TRAPPC8: variants seen among roughly 807,000 people sequenced by gnomAD.
TRAPPC8 encodes the protein general sporulation gene 1 homolog.
TRAPPC8 carries 54 observed loss-of-function variants against 174.3 expected under a neutral mutation model. The observed-to-expected ratio is 0.31, with a 90% CI of 0.25 to 0.39. The LOEUF is 0.39. TRAPPC8 is among the 10% of genes least tolerant of loss of function. The pLI, the probability that TRAPPC8 is intolerant of heterozygous loss-of-function variation, is 1.00. For synonymous variants in TRAPPC8, 630 were observed against 579.9 expected (o/e 1.09, Z -1.24); for missense variants, 1,531 against 1,699.1 (o/e 0.90, Z 1.74).
Position 31,871,072 on chromosome 18 carries a change from G to C in TRAPPC8, c.2111C>G (p.Ser704Cys). The C allele has an allele frequency of 6.2e-7, 1 of 1,601,244 alleles. No individual in the cohort carries two copies. Among genetic ancestry groups the C allele is most frequent in the Admixed American group, 1.7e-5 (1 of 59,122 alleles). ...THVSLDQEYD[S>C]ESSQQWRELE... ...TTCTCGCCACTGCTGAGAGGATTCA[G>C]AATCATATTCTTGATCAAGACTTAC... The change falls in exon 15 of 29, where the codon TCT (serine) becomes TGT (cysteine). Residue 704 changes from serine to cysteine, a missense_variant. Transcript: ENST00000283351.
intron 1 of TRAPPC8, among the ~76,000 whole-genome samples, chr18:31,933,699 A>T (rs1038402736): frequency 1.3e-5 from 2 of 152,140 alleles, no homozygotes; most frequent in African/African-American, 2.4e-5. Context: ...TCAATGGAAA[A>T]TGCCTTATAC....
chr18:31,906,176 A>C (rs980199143), intron 9 of TRAPPC8, among the ~76,000 whole-genome samples: 1 of 69,386 alleles, frequency 1.4e-5, no homozygotes, highest in Non-Finnish European at 2.9e-5. Flanking sequence ...TAAAAATACG[A>C]AAAAAAAAAA....
chr18:31,855,555 C>A, intron 21 of TRAPPC8, 105 bp downstream of exon 21: 1 of 921,884 alleles, frequency 1.1e-6, no homozygotes, highest in Non-Finnish European at 1.6e-6. Flanking sequence ...TTCCTAAAAT[C>A]CCTAGCTTAT....
At position 31,935,548 on chromosome 18, in the gene TRAPPC8, T is replaced by TAAAAAAAAAAAA. The variant is rs10650702; in HGVS notation, c.158-4037_158-4026dup. Among the ~76,000 whole-genome samples, 19 of 46,282 alleles carry TAAAAAAAAAAAA rather than the reference T, an allele frequency of 4.1e-4. 2 individuals carry two copies. Among genetic ancestry groups the TAAAAAAAAAAAA allele is most frequent in the African/African-American group, 2.1e-3 (19 of 9,034 alleles). The allele number at this position is 46,282 out of a possible 152,430, so 30.4% of individuals were successfully genotyped here. Reference sequence around the variant, plus strand: ...GGGCAACAAGAGCGAAACTCCATCTTAAAAAAAAAAAAAAAAAAAAGCAGG... The same window carrying TAAAAAAAAAAAA: ...GGGCAACAAGAGCGAAACTCCATCTTAAAAAAAAAAAAAAAAAAAAAAAAAAAAAAAAGCAGG... On this transcript the variant is annotated intron_variant, in intron 1 of 28. Transcript: ENST00000283351.
At chr18:31,902,098 T>A (rs2036453917) in intron 9 of TRAPPC8, among the ~76,000 whole-genome samples, 1 of 152,134 alleles carries the variant, frequency 6.6e-6, no homozygotes, top group Non-Finnish European at 1.5e-5. Context: ...ATGGATCACT[T>A]GACATCAGGA....
chr18:31,902,024 T>C (rs912983491), intron 9 of TRAPPC8, among the ~76,000 whole-genome samples: 1 of 152,234 alleles, frequency 6.6e-6, no homozygotes, highest in Non-Finnish European at 1.5e-5. Flanking sequence ...ACCAAAAATA[T>C]GCTGAACTGG....
At chr18:31,884,523 C>A (rs1322444575) in intron 12 of TRAPPC8, among the ~76,000 whole-genome samples, 1 of 152,190 alleles carries the variant, frequency 6.6e-6, no homozygotes, top group Non-Finnish European at 1.5e-5. Context: ...CAAGCATAAG[C>A]AGCTATTTGA....
chr18:31,900,648 C>T (rs1451386591), intron 10 of TRAPPC8, among the ~76,000 whole-genome samples: 1 of 152,150 alleles, frequency 6.6e-6, no homozygotes, highest in Non-Finnish European at 1.5e-5. Context: ...TGACTAATTC[C>T]TAACTTGATA....
chr18:31,864,201 T>TCCG (rs1388489984), intron 19 of TRAPPC8, among the ~76,000 whole-genome samples: 8 of 151,702 alleles, frequency 5.3e-5, no homozygotes, highest in Non-Finnish European at 1.0e-4. Context: ...AATTTTAATT[T>TCCG]GTATGGTATA....
chr18:31,870,357 C>A lies in TRAPPC8; in HGVS notation c.2388+15G>T. 6.3e-7 allele frequency: 1 copy of A among 1,596,268 alleles called. No homozygotes were observed. The highest frequency in any genetic ancestry group is 2.2e-5 in the East Asian group (1 of 44,526). On this transcript the variant is annotated intron_variant, in intron 16 of 28. Transcript: ENST00000283351. ...GTAGCTGAAACATAATTACAAATAC[C>A]TTTTAATAACTTACTAGTTGTTTAA...
At chr18:31,904,243 A>G (rs1568117561) in intron 9 of TRAPPC8, among the ~76,000 whole-genome samples, 1 of 151,466 alleles carries the variant, frequency 6.6e-6, no homozygotes, top group Non-Finnish European at 1.5e-5. Flanking sequence ...CTCCAAAAAA[A>G]AAAAAAAAGA....
intron 27 of TRAPPC8, among the ~76,000 whole-genome samples, chr18:31,836,928 A>G: frequency 6.6e-6 from 1 of 151,744 alleles, no homozygotes; most frequent in Admixed American, 6.6e-5. Flanking sequence ...CACCCGGCTA[A>G]TTTTTTTGTA....
In TRAPPC8 at chr18:31,900,993, T is replaced by A. The variant is rs1271515364; in HGVS notation, c.1422A>T (p.Pro474=). The A allele has an allele frequency of 6.3e-7, 1 of 1,587,072 alleles. No individual in the cohort carries two copies. The highest frequency in any genetic ancestry group is 1.4e-5 in the African/African-American group (1 of 72,620). Residue 474 remains proline, a synonymous_variant, in exon 10 of 29, where the codon CCA becomes CCT. Coordinates refer to ENST00000283351, the MANE Select transcript of TRAPPC8 (RefSeq NM_014939.5). ...GAGCAGGATATGGCCTAGGTGCTCC[T>A]GGTTGAAGAAAAGCAGACACTGCTG... is the stretch of plus-strand genomic sequence containing the variant. ...EMAAVSAFLQ[P]GAPRPYPAHY...
chr18:31,861,089 T>C (rs777899357), intron 19 of TRAPPC8, among the ~76,000 whole-genome samples: 13 of 152,198 alleles, frequency 8.5e-5, no homozygotes, highest in Non-Finnish European at 1.5e-4. Flanking sequence ...AGGAAACCCA[T>C]ACCAGCACTC....
At chr18:31,871,228 ACT>A (rs2034844575) in intron 14 of TRAPPC8, 108 bp from the exon 15 acceptor site, 1 of 523,370 alleles carries the variant, frequency 1.9e-6, no homozygotes, top group Non-Finnish European at 3.0e-6. Context: ...ATATACATTC[ACT>A]CTTGCCTATT....
chr18:31,833,154 A>G (rs1165160656), intron 27 of TRAPPC8: 1 of 152,250 alleles, frequency 6.6e-6, no homozygotes, highest in Non-Finnish European at 1.5e-5. Context: ...GTAGGTGTCC[A>G]GTCAGTCTGA....
At chr18:31,919,582 A>G (rs906321710) in intron 2 of TRAPPC8, among the ~76,000 whole-genome samples, 1 of 112,950 alleles carries the variant, frequency 8.9e-6, no homozygotes, top group African/African-American at 3.0e-5. Context: ...ATAAATAAAT[A>G]AATAAATAAA....
chr18:31,855,757 T>C lies in TRAPPC8; in HGVS notation c.3239A>G (p.Asn1080Ser), dbSNP rs1479963510. 1.2e-6 allele frequency: 2 copies of C among 1,609,876 alleles called. No homozygotes were observed. Among genetic ancestry groups the C allele is most frequent in the Non-Finnish European group, 8.5e-7 (1 of 1,179,136 alleles). ...TAIICTSRSL[N>S]VRATVCRSNS... Reference sequence around the variant, plus strand: ...ACTTCTGCAGACAGTGGCCCGTACATTTAAAGACCGACTGGTACAAATAAT... The same window carrying C: ...ACTTCTGCAGACAGTGGCCCGTACACTTAAAGACCGACTGGTACAAATAAT... The change falls in exon 21 of 29, where the codon AAT (asparagine) becomes AGT (serine). Residue 1080 changes from asparagine to serine, a missense_variant. Transcript: ENST00000283351.
intron 27 of TRAPPC8, among the ~76,000 whole-genome samples, chr18:31,834,387 G>A (rs565199687): frequency 6.6e-6 from 1 of 152,252 alleles, no homozygotes; most frequent in South Asian, 2.1e-4. Context: ...TGGGATTACA[G>A]GTGTGTGCCA....
Sources: allele counts gnomAD v4.1 joint callset (sites outside exome capture counted in the v4.1 genomes callset), GRCh38; gene constraint gnomAD v4.1.1; transcripts MANE v1.5; gene names NCBI Gene and HGNC (gene_info 2026-07-23, HGNC 2026-07-21).